Variants in LEMD1 observed in about 807,000 individuals in gnomAD.
LEMD1 encodes the protein LEM domain containing 1, also known as LEM domain-containing protein 1.
Under a neutral mutation model 17.4 loss-of-function variants are expected in LEMD1, and 18 were observed. That is an observed-to-expected ratio of 1.04 (90% CI 0.72 to 1.54). LEMD1 has a LOEUF of 1.54. Ranked by LOEUF, LEMD1 falls within the 40% of genes most tolerant of loss-of-function variation. The pLI is 0.00. For synonymous variants in LEMD1, 88 were observed against 77.8 expected (o/e 1.13, Z -0.69); for missense variants, 195 against 210.4 (o/e 0.93, Z 0.45).
chr1:205,398,318 A>G (rs12131576), intron 4 of LEMD1, among the ~76,000 whole-genome samples: 85,797 of 152,048 alleles, frequency 0.56, 24,607 homozygotes, highest in African/African-American at 0.64. Flanking sequence ...CTGTATATAC[A>G]ACTTGAATCA....
chr1:205,388,254 G>A (rs1664138319), intron 4 of LEMD1, among the ~76,000 whole-genome samples: 1 of 151,480 alleles, frequency 6.6e-6, no homozygotes, highest in African/African-American at 2.4e-5. Flanking sequence ...ATGGCGTGCA[G>A]TGGCGTGATC....
chr1:205,383,949 A>ATTTTTTT (rs112731126), intron 5 of LEMD1, among the ~76,000 whole-genome samples: 1 of 130,808 alleles, frequency 7.6e-6, no homozygotes, highest in African/African-American at 2.8e-5. Context: ...TATCCTTTAC[A>ATTTTTTT]TTTTTTTTTT....
intron 1 of LEMD1, among the ~76,000 whole-genome samples, chr1:205,446,894 G>A (rs960664325): frequency 6.6e-6 from 1 of 152,226 alleles, no homozygotes; most frequent in Non-Finnish European, 1.5e-5. Context: ...CAGCTGGCTT[G>A]GGATTTCTCT....
chr1:205,399,506 C>T (rs930897940), intron 4 of LEMD1, among the ~76,000 whole-genome samples: 1 of 152,192 alleles, frequency 6.6e-6, no homozygotes, highest in Non-Finnish European at 1.5e-5. Context: ...GAAAGGTGCT[C>T]ACTGAAGGCC....
intron 4 of LEMD1, among the ~76,000 whole-genome samples, chr1:205,408,272 G>A (rs1255272633): frequency 6.6e-6 from 1 of 151,974 alleles, no homozygotes; most frequent in Non-Finnish European, 1.5e-5. Context: ...GGGGAGCCCA[G>A]GGGCTTCATG....
intron 4 of LEMD1, among the ~76,000 whole-genome samples, chr1:205,415,812 G>A (rs182803137): frequency 2.3e-3 from 357 of 152,326 alleles, no homozygotes; most frequent in Middle Eastern, 3.4e-3. Flanking sequence ...ACATTTGGCC[G>A]TGTGCTTCAA....
chr1:205,424,386 A>C (rs1202860651), upstream of LEMD1, among the ~76,000 whole-genome samples: 1 of 152,204 alleles, frequency 6.6e-6, no homozygotes, highest in Non-Finnish European at 1.5e-5. Flanking sequence ...TCTGGTTGGC[A>C]TCATTGTTGA....
In LEMD1 at chr1:205,430,082, C is replaced by T. The variant is rs1575003192; in HGVS notation, c.-38-9508G>A. ...CAGGCAGCGTCTGTCTCAAATCCCA[C>T]TGCCCCTGAGAGAGCAATCGAGAGA... On this transcript the variant is annotated intron_variant, in intron 1 of 3. Transcript: ENST00000367154. 3.9e-5 allele frequency among the ~76,000 whole-genome samples: 6 copies of T among 152,382 alleles called. No homozygotes were observed. The South Asian group carries it at 1.2e-3, about 32-fold the overall frequency.
chr1:205,382,153 C>T (rs1259594793), intron 5 of LEMD1: 1 of 325,368 alleles, frequency 3.1e-6, no homozygotes. Context: ...AGGTACATGC[C>T]ACCACCCCCA....
chr1:205,420,509 A>G lies in LEMD1; in HGVS notation c.28T>C (p.Cys10Arg), dbSNP rs1665913731. 2 of 1,613,992 alleles carry G rather than the reference A, an allele frequency of 1.2e-6. No homozygotes were observed. The highest frequency in any genetic ancestry group is 1.3e-5 in the African/African-American group (1 of 74,938). The part of the protein sequence containing the change: MVDVKCLSD[C>R]KLQNQLEKLG... ...TTCTCAAGTTGGTTCTGCAATTTACAGTCACTCAGACACTTCACATCCACC... is the reference window on the plus strand; with the variant it reads ...TTCTCAAGTTGGTTCTGCAATTTACGGTCACTCAGACACTTCACATCCACC... Residue 10 changes from cysteine to arginine, a missense_variant, in exon 2 of 6, where the codon TGT becomes CGT. Cys to Arg is a radical substitution (Grantham distance 180, BLOSUM62 -3). Transcript: ENST00000367153.
intron 1 of LEMD1, among the ~76,000 whole-genome samples, chr1:205,439,686 G>T (rs1019315780): frequency 5.3e-5 from 8 of 152,180 alleles, no homozygotes; most frequent in African/African-American, 9.7e-5. Flanking sequence ...GCTAGAGGGG[G>T]TCTGACTTTG....
At chr1:205,413,070 T>G (rs1665524086) in intron 4 of LEMD1, among the ~76,000 whole-genome samples, 1 of 152,232 alleles carries the variant, frequency 6.6e-6, no homozygotes, top group Non-Finnish European at 1.5e-5. Flanking sequence ...AACGGGAAGC[T>G]GAAGCTATAG....
intron 1 of LEMD1, among the ~76,000 whole-genome samples, chr1:205,429,459 G>A (rs577827620): frequency 5.5e-4 from 84 of 152,302 alleles, no homozygotes; most frequent in African/African-American, 1.9e-3. Flanking sequence ...AGATTTGAAA[G>A]GATCAGGATT....
intron 4 of LEMD1, among the ~76,000 whole-genome samples, chr1:205,398,517 C>A (rs1558716945): frequency 6.6e-6 from 1 of 152,326 alleles, no homozygotes; most frequent in East Asian, 1.9e-4. Flanking sequence ...TTGAAATACA[C>A]TTAAAATTTG....
Position 205,381,619 on chromosome 1 carries a change from G to A in LEMD1, c.*39C>T, listed in dbSNP as rs1044550859. On this transcript the variant is annotated 3_prime_UTR_variant, in exon 6 of 6. Transcript: ENST00000367153. ...AGTGTTTTGGTTCTTTCCTGAAGCA[G>A]GAGGCCTCGCTTGGAGCATTGCTTT... The A allele has an allele frequency of 6.3e-7, 1 of 1,598,168 alleles. No individual in the cohort carries two copies. The highest frequency in any genetic ancestry group is 8.6e-7 in the Non-Finnish European group (1 of 1,165,464).
At position 205,430,824 on chromosome 1, in the gene LEMD1, C is replaced by G. The variant is rs567531625; in HGVS notation, c.-38-10250G>C. Among the ~76,000 whole-genome samples the G allele has an allele frequency of 2.0e-5, 3 of 152,362 alleles. No individual in the cohort carries two copies. The South Asian group carries it at 6.2e-4, about 32-fold the overall frequency. On this transcript the variant is annotated intron_variant, in intron 1 of 3. Transcript: ENST00000367154. ...TGGGGCGCCCCGCCCCCGCGCCGCTCAGTTTTAAACTCGCAGCAGACGGAA... is the reference window on the plus strand; with the variant it reads ...TGGGGCGCCCCGCCCCCGCGCCGCTGAGTTTTAAACTCGCAGCAGACGGAA...
chr1:205,434,128 C>T (rs1168585637), intron 1 of LEMD1, among the ~76,000 whole-genome samples: 2 of 151,982 alleles, frequency 1.3e-5, no homozygotes, highest in South Asian at 2.1e-4. Context: ...TGAAAATTCC[C>T]GTGTGTTCTG....
intron 5 of LEMD1, among the ~76,000 whole-genome samples, chr1:205,382,375 C>G (rs1663753507): frequency 6.6e-6 from 1 of 151,854 alleles, no homozygotes. Flanking sequence ...TATGATTGTG[C>G]CACTGCACTC....
chr1:205,409,049 G>A (rs543434382), intron 4 of LEMD1, among the ~76,000 whole-genome samples: 1 of 152,048 alleles, frequency 6.6e-6, no homozygotes, highest in Non-Finnish European at 1.5e-5. Flanking sequence ...GTGTTGCCCA[G>A]GCTGATCTTG....
Sources: gnomAD v4.1 joint callset for allele counts (sites outside exome capture counted in the v4.1 genomes callset) on GRCh38, gnomAD v4.1.1 for gene constraint, MANE v1.5 for transcripts, NCBI Gene and HGNC (gene_info 2026-07-23, HGNC 2026-07-21) for gene names.